NT5DC3: variants seen among roughly 807,000 people sequenced by gnomAD.
NT5DC3 encodes 5'-nucleotidase domain-containing protein 3.
Under a neutral mutation model 67.8 loss-of-function variants are expected in NT5DC3, and 42 were observed. The ratio of observed to expected loss-of-function variants is 0.62; its 90% CI spans 0.48 to 0.80. The LOEUF is 0.80. Among genes scored for constraint, NT5DC3 ranks in the 30% least tolerant of loss-of-function variants. NT5DC3 has a pLI of 0.00. For synonymous variants in NT5DC3, 237 were observed against 255.6 expected, an observed-to-expected ratio of 0.93 and a Z score of 0.69; for missense variants, 570 against 696.4, an observed-to-expected ratio of 0.82 and a Z score of 2.04.
intron 12 of NT5DC3, among the ~76,000 whole-genome samples, chr12:103,780,978 A>AG (rs1885525794): frequency 7.7e-6 from 1 of 129,942 alleles, no homozygotes. Context: ...ATTTAAAAAA[A>AG]CAATTATTTT....
chr12:103,755,063 G>T, the NT5DC3 span: 2 of 510,234 alleles, frequency 3.9e-6, no homozygotes, highest in South Asian at 6.5e-5. Context: ...AGAGAGAAGA[G>T]AAATGAGTAT....
At chr12:103,746,596 G>T in the NT5DC3 span, 2 of 1,614,020 alleles carry the variant, frequency 1.2e-6, no homozygotes, top group East Asian at 4.5e-5. Context: ...TTTCTTTGCA[G>T]TTTTGCCTGC....
In NT5DC3 at chr12:103,777,888, A is replaced by G. The variant is rs201964057; in HGVS notation, c.1588T>C (p.Trp530Arg). ...CCGAAGGTGGGGGGCCTTTCTGACC[A>G]GGCGGGCAGTTCGTGCTGCAGTGGA... ...RTPLQHELPA[W>R]SERPPTFGTP... The change falls in exon 14 of 14, where the codon TGG (tryptophan) becomes CGG (arginine). Residue 530 changes from tryptophan (W) to arginine (R), a missense_variant. By Grantham distance (101) the Trp-to-Arg change is moderately radical. Transcript: ENST00000392876. 6.2e-6 allele frequency: 10 copies of G among 1,614,200 alleles called. No homozygotes were observed. The African/African-American group carries it at 1.2e-4, about 19-fold the overall frequency.
downstream of NT5DC3, chr12:103,768,657 AAG>A (rs912986569): frequency 1.0e-5 from 1 of 98,974 alleles, no homozygotes; most frequent in African/African-American, 3.9e-5. Flanking sequence ...GAGAGAGGGA[AAG>A]AGAGAGAATA....
chr12:103,748,822 G>A, the NT5DC3 span: 1 of 805,094 alleles, frequency 1.2e-6, no homozygotes, highest in African/African-American at 1.7e-5. Flanking sequence ...GAGGCCACAG[G>A]GCATGGAGAG....
intron 1 of NT5DC3, among the ~76,000 whole-genome samples, chr12:103,828,699 T>TTC (rs1887797154): frequency 6.9e-6 from 1 of 144,230 alleles, no homozygotes; most frequent in South Asian, 2.2e-4. Flanking sequence ...TTTCTTTCTT[T>TTC]TTATTTTTTT....
At chr12:103,819,572 G>C (rs1363111474) in intron 1 of NT5DC3, 3 of 152,242 alleles carry the variant, frequency 2.0e-5, no homozygotes, top group Non-Finnish European at 2.9e-5. Flanking sequence ...CAGTTCCAAT[G>C]CAAGCCACTC....
At chr12:103,759,177 C>T in the NT5DC3 span, 2 of 1,614,196 alleles carry the variant, frequency 1.2e-6, no homozygotes, top group Non-Finnish European at 1.7e-6. Flanking sequence ...CCAATGTCAG[C>T]ATGTTTTTCT....
intron 4 of NT5DC3, among the ~76,000 whole-genome samples, chr12:103,804,446 T>C (rs1886713461): frequency 6.6e-6 from 1 of 151,646 alleles, no homozygotes; most frequent in Non-Finnish European, 1.5e-5. Context: ...AGTGAGGGAG[T>C]AAAGCCAGAG....
intron 1 of NT5DC3, among the ~76,000 whole-genome samples, chr12:103,837,463 T>C (rs1290867078): frequency 6.6e-6 from 1 of 152,232 alleles, no homozygotes; most frequent in Non-Finnish European, 1.5e-5. Flanking sequence ...TTCTACTGCA[T>C]CGTCAGCCTG....
rs755371086 is a variant in NT5DC3 at position 103,780,292 on chromosome 12, T to C, written c.1394+8A>G. ...TGGACGCGCACATTCAATACAGGCC[T>C]CTCTTACCGCATCTCCTTCCTTTCC... On this transcript the variant is annotated splice_region_variant and intron_variant, in intron 13 of 13. Transcript: ENST00000392876. 3.1e-6 allele frequency: 5 copies of C among 1,612,844 alleles called. No individual in the cohort carries two copies. Among genetic ancestry groups the C allele is most frequent in the Non-Finnish European group, 4.2e-6 (5 of 1,178,862 alleles).
At chr12:103,811,187 G>C (rs928054726) in intron 2 of NT5DC3, among the ~76,000 whole-genome samples, 7 of 152,102 alleles carry the variant, frequency 4.6e-5, no homozygotes, top group Admixed American at 3.9e-4. Flanking sequence ...CTACCTGGGG[G>C]GGTAGACCAT....
intron 1 of NT5DC3, among the ~76,000 whole-genome samples, chr12:103,820,279 C>T (rs1887437951): frequency 6.6e-6 from 1 of 152,250 alleles, no homozygotes; most frequent in Non-Finnish European, 1.5e-5. Context: ...ATTCTTGAAT[C>T]ATATGGTAAT....
chr12:103,759,277 CAA>C, the NT5DC3 span: 1 of 1,613,542 alleles, frequency 6.2e-7, no homozygotes, highest in South Asian at 1.1e-5. Flanking sequence ...CCAACCGGTA[CAA>C]AGTCTTCTGG....
Position 103,790,959 on chromosome 12 carries a change from G to T in NT5DC3, c.1020-2040C>A, listed in dbSNP as rs1886029197. Among the ~76,000 whole-genome samples the T allele has an allele frequency of 2.0e-5, 3 of 152,056 alleles. 1 individual carries two copies. The highest frequency in any genetic ancestry group is 4.4e-5 in the Non-Finnish European group (3 of 68,010). ...CCGCCTCAGCCTCCCAAAGTGCTGG[G>T]ATTATAGGCGTGAGCCACCGCACCC... On this transcript the variant is annotated intron_variant, in intron 9 of 13. Coordinates refer to ENST00000392876, the MANE Select transcript of NT5DC3 (RefSeq NM_001031701.3).
At chr12:103,757,559 T>C in the NT5DC3 span, among the ~76,000 whole-genome samples, 7 of 152,250 alleles carry the variant, frequency 4.6e-5, no homozygotes, top group Admixed American at 3.3e-4. Context: ...GTCCCCCTTC[T>C]GTCTGAAGTG....
chr12:103,808,937 T>A (rs1184883714), intron 2 of NT5DC3, among the ~76,000 whole-genome samples: 1 of 152,198 alleles, frequency 6.6e-6, no homozygotes, highest in Non-Finnish European at 1.5e-5. Flanking sequence ...TCTTTATCCC[T>A]CACTACATCA....
intron 4 of NT5DC3, among the ~76,000 whole-genome samples, chr12:103,799,805 A>AAAAAGAAAAAT (rs1555261682): frequency 2.8e-5 from 1 of 35,658 alleles, no homozygotes. Flanking sequence ...TCCACATACC[A>AAAAAGAAAAAT]AAAAAAAAAA....
At chr12:103,806,579 G>GA (rs34406071) in intron 3 of NT5DC3, among the ~76,000 whole-genome samples, 4 of 152,110 alleles carry the variant, frequency 2.6e-5, no homozygotes, top group Admixed American at 2.6e-4. Context: ...AAAGACAGGG[G>GA]AAAAAAATAG....
Sources: allele counts gnomAD v4.1 joint callset (sites outside exome capture counted in the v4.1 genomes callset), GRCh38; gene constraint gnomAD v4.1.1; transcripts MANE v1.5; gene names NCBI Gene and HGNC (gene_info 2026-07-23, HGNC 2026-07-21).